The following FOXN3 variants were observed in gnomAD, a reference collection of about 807,000 sequenced individuals.
FOXN3 encodes the protein forkhead box N3.
FOXN3 carries 7 observed loss-of-function variants against 38.4 expected under a neutral mutation model. The observed-to-expected ratio is 0.18, with a 90% CI of 0.10 to 0.34. The LOEUF is 0.34. Among genes scored for constraint, FOXN3 ranks in the 10% least tolerant of loss-of-function variants. FOXN3 has a pLI of 1.00. For missense variants in FOXN3, 456 were observed against 613.4 expected (o/e 0.74, Z 2.71); for synonymous variants, 230 against 242.2 (o/e 0.95, Z 0.47).
At chr14:89,227,332 T>C (rs770480846) in intron 4 of FOXN3, among the ~76,000 whole-genome samples, 1 of 152,234 alleles carries the variant, frequency 6.6e-6, no homozygotes, top group Non-Finnish European at 1.5e-5. Context: ...CCGTAACACA[T>C]GTTCACAGCG....
intron 4 of FOXN3, among the ~76,000 whole-genome samples, chr14:89,200,067 G>A (rs1423477022): frequency 6.6e-6 from 1 of 152,148 alleles, no homozygotes; most frequent in Non-Finnish European, 1.5e-5. Flanking sequence ...TAGGGCCAAA[G>A]GGATAAGAAC....
intron 3 of FOXN3, among the ~76,000 whole-genome samples, chr14:89,318,887 C>T (rs1163670211): frequency 6.6e-6 from 1 of 152,168 alleles, no homozygotes; most frequent in African/African-American, 2.4e-5. Flanking sequence ...AGGTTTTGGA[C>T]TAAACAATGG....
intron 4 of FOXN3, chr14:89,223,480 G>A (rs1364578659): frequency 6.6e-6 from 1 of 152,380 alleles, no homozygotes; most frequent in Non-Finnish European, 1.5e-5. Context: ...GTCCACCTTT[G>A]TGAGCTTCCT....
intron 1 of FOXN3, among the ~76,000 whole-genome samples, chr14:89,470,622 C>A (rs901005729): frequency 6.6e-6 from 1 of 152,182 alleles, no homozygotes; most frequent in African/African-American, 2.4e-5. Context: ...TGGCTATATT[C>A]CAGATAGCTG....
chr14:89,479,529 C>T (rs549948134), intron 1 of FOXN3, among the ~76,000 whole-genome samples: 6 of 152,028 alleles, frequency 3.9e-5, no homozygotes, highest in Non-Finnish European at 8.8e-5. Flanking sequence ...GTGTGATGAA[C>T]GCTGGTGTGA....
At chr14:89,353,193 T>C (rs1421015231) in intron 2 of FOXN3, among the ~76,000 whole-genome samples, 1 of 152,078 alleles carries the variant, frequency 6.6e-6, no homozygotes, top group Non-Finnish European at 1.5e-5. Flanking sequence ...GCTTCCTCAC[T>C]GGTAAAACAG....
chr14:89,342,521 T>C (rs2139999219), intron 3 of FOXN3, among the ~76,000 whole-genome samples: 1 of 152,356 alleles, frequency 6.6e-6, no homozygotes, highest in East Asian at 1.9e-4. Context: ...AGCCAACTAA[T>C]GGATTTTTAA....
intron 4 of FOXN3, among the ~76,000 whole-genome samples, chr14:89,239,838 T>C (rs1293707636): frequency 6.6e-6 from 1 of 152,148 alleles, no homozygotes; most frequent in Non-Finnish European, 1.5e-5. Flanking sequence ...GCAACACCAG[T>C]CTTATGATCC....
chr14:89,323,719 A>AAAACAAAC (rs56120412), intron 3 of FOXN3, among the ~76,000 whole-genome samples: 95,704 of 150,542 alleles, frequency 0.64, 31,662 homozygotes, highest in South Asian at 0.75. Flanking sequence ...ACTCCATCGC[A>AAAACAAAC]AAACAAACAA....
At chr14:89,165,584 G>A (rs185575747) in intron 5 of FOXN3, among the ~76,000 whole-genome samples, 177 of 152,302 alleles carry the variant, frequency 1.2e-3, no homozygotes, top group African/African-American at 1.6e-3. Context: ...GGCCTCCTCC[G>A]TATCTGTTTT....
intron 4 of FOXN3, among the ~76,000 whole-genome samples, chr14:89,263,166 T>C (rs1158671781): frequency 6.6e-6 from 1 of 152,236 alleles, no homozygotes; most frequent in East Asian, 1.9e-4. Context: ...ATCAAGATAT[T>C]ATGGTGGAAA....
upstream of FOXN3, among the ~76,000 whole-genome samples, chr14:89,421,145 C>CTT (rs570024684): frequency 4.4e-4 from 48 of 108,144 alleles, no homozygotes; most frequent in East Asian, 2.2e-3. Context: ...TTCTTTCTTT[C>CTT]TTTTTTTTTT....
chr14:89,188,170 A>G (rs950038704), intron 4 of FOXN3, among the ~76,000 whole-genome samples: 5 of 152,190 alleles, frequency 3.3e-5, no homozygotes, highest in Non-Finnish European at 7.3e-5. Flanking sequence ...CAGCTTCAAA[A>G]CATGAACACT....
chr14:89,427,306 T>C (rs1892058782), intron 1 of FOXN3, among the ~76,000 whole-genome samples: 1 of 127,622 alleles, frequency 7.8e-6, no homozygotes, highest in South Asian at 2.7e-4. Flanking sequence ...GGGGACTTTT[T>C]TTTTTTTTTT....
intron 3 of FOXN3, among the ~76,000 whole-genome samples, chr14:89,287,215 G>A (rs1336035261): frequency 6.6e-6 from 1 of 152,106 alleles, no homozygotes; most frequent in African/African-American, 2.4e-5. Context: ...GTGCAGTGGT[G>A]TGATCTGGGC....
intron 4 of FOXN3, among the ~76,000 whole-genome samples, chr14:89,266,339 C>T (rs139431947): frequency 2.0e-5 from 3 of 152,286 alleles, no homozygotes; most frequent in African/African-American, 7.2e-5. Context: ...CCTGGTATCT[C>T]TTCTTACAAA....
At chr14:89,221,440 G>A (rs1164698691) in intron 4 of FOXN3, among the ~76,000 whole-genome samples, 1 of 152,044 alleles carries the variant, frequency 6.6e-6, no homozygotes, top group Non-Finnish European at 1.5e-5. Flanking sequence ...TATTCACTAT[G>A]CCATATTATA....
At chr14:89,252,909 C>T (rs1420053071) in intron 4 of FOXN3, among the ~76,000 whole-genome samples, 1 of 152,072 alleles carries the variant, frequency 6.6e-6, no homozygotes, top group East Asian at 1.9e-4. Context: ...TAGGTACTGT[C>T]CCAAAGGGTG....
chr14:89,166,868 CA>C (rs1887255738), intron 5 of FOXN3, among the ~76,000 whole-genome samples: 1 of 152,178 alleles, frequency 6.6e-6, no homozygotes, highest in African/African-American at 2.4e-5. Flanking sequence ...GACTTGGTGT[CA>C]AATGTTTCCC....
Sources: allele counts gnomAD v4.1 joint callset (sites outside exome capture counted in the v4.1 genomes callset), GRCh38; gene constraint gnomAD v4.1.1; transcripts MANE v1.5; gene names NCBI Gene and HGNC (gene_info 2026-07-23, HGNC 2026-07-21).